GLIS3: variants seen among roughly 807,000 people sequenced by gnomAD.
GLIS3 encodes the protein GLIS family zinc finger 3, also known as zinc finger protein GLIS3.
GLIS3 carries 53 observed loss-of-function variants against 78.6 expected under a neutral mutation model. The ratio of observed to expected loss-of-function variants is 0.67; its 90% confidence interval spans 0.54 to 0.85. GLIS3 has a LOEUF of 0.85. GLIS3 is among the 40% of genes least tolerant of loss of function. The pLI is 0.00. For missense variants in GLIS3, 1,703 were observed against 1,231.1 expected, an observed-to-expected ratio of 1.38 and a Z score of -5.74; for synonymous variants, 684 against 509.9, an observed-to-expected ratio of 1.34 and a Z score of -4.60.
At chr9:4,295,536 A>T (rs2130430500) in intron 1 of GLIS3, among the ~76,000 whole-genome samples, 1 of 152,338 alleles carries the variant, frequency 6.6e-6, no homozygotes. Flanking sequence ...ATATTGAATT[A>T]TTCCATTTAC....
At chr9:4,243,252 A>T (rs1032868802) in intron 2 of GLIS3, among the ~76,000 whole-genome samples, 8 of 152,236 alleles carry the variant, frequency 5.3e-5, no homozygotes, top group African/African-American at 9.6e-5. Context: ...AGAGTACAGT[A>T]CAGGAAGGAG....
At chr9:3,882,111 G>T (rs1261213437) in intron 7 of GLIS3, among the ~76,000 whole-genome samples, 1 of 152,124 alleles carries the variant, frequency 6.6e-6, no homozygotes, top group Non-Finnish European at 1.5e-5. Flanking sequence ...CTATCATTTG[G>T]CAGACATGAA....
At chr9:3,883,893 A>G (rs1046545246) in intron 7 of GLIS3, among the ~76,000 whole-genome samples, 2 of 152,236 alleles carry the variant, frequency 1.3e-5, no homozygotes, top group Non-Finnish European at 2.9e-5. Context: ...TGAGATGAAT[A>G]CGTGAGCCTT....
At chr9:4,189,751 G>T (rs1178763027) in intron 2 of GLIS3, among the ~76,000 whole-genome samples, 2 of 151,456 alleles carry the variant, frequency 1.3e-5, no homozygotes, top group Admixed American at 6.6e-5. Context: ...TTATGTAATG[G>T]CCTTCTTTGT....
intron 4 of GLIS3, among the ~76,000 whole-genome samples, chr9:4,015,335 G>A (rs930483246): frequency 7.9e-5 from 12 of 152,082 alleles, no homozygotes; most frequent in African/African-American, 2.2e-4. Context: ...TCCTGGAAAC[G>A]CATACCAAAG....
At chr9:4,151,857 G>A (rs1055311731) in intron 2 of GLIS3, among the ~76,000 whole-genome samples, 1 of 152,154 alleles carries the variant, frequency 6.6e-6, no homozygotes, top group Non-Finnish European at 1.5e-5. Flanking sequence ...CCTTTGGAAG[G>A]CGACAGAATG....
At chr9:4,487,306 C>G in the GLIS3 span, among the ~76,000 whole-genome samples, 1 of 152,056 alleles carries the variant, frequency 6.6e-6, no homozygotes, top group Non-Finnish European at 1.5e-5. Flanking sequence ...CAGGTTGACT[C>G]CAAGTAAAAT....
intron 4 of GLIS3, among the ~76,000 whole-genome samples, chr9:3,970,799 G>A (rs139141069): frequency 6.6e-6 from 1 of 152,122 alleles, no homozygotes; most frequent in South Asian, 2.1e-4. Context: ...TGTGAAGCTG[G>A]CAATTGAAGA....
chr9:4,030,029 T>G (rs1163964799), intron 4 of GLIS3, among the ~76,000 whole-genome samples: 1 of 152,218 alleles, frequency 6.6e-6, no homozygotes, highest in East Asian at 1.9e-4. Context: ...CAAACTGTTC[T>G]CCACAGTGGC....
chr9:4,461,569 C>T, the GLIS3 span, among the ~76,000 whole-genome samples: 1 of 152,188 alleles, frequency 6.6e-6, no homozygotes, highest in Non-Finnish European at 1.5e-5. Flanking sequence ...CTTTGCTACT[C>T]CTCCCTCCAA....
chr9:4,177,925 C>G (rs1816951397), intron 2 of GLIS3, among the ~76,000 whole-genome samples: 1 of 152,174 alleles, frequency 6.6e-6, no homozygotes, highest in South Asian at 2.1e-4. Flanking sequence ...AGCTTGGTTC[C>G]TGGATGAGAT....
At position 4,342,355 on chromosome 9, in the gene GLIS3, G is replaced by A. The variant is rs371393688; in HGVS notation, n.264+4726C>T. Among the ~76,000 whole-genome samples the A allele has an allele frequency of 1.2e-4, 18 of 152,232 alleles. No homozygotes were observed. The East Asian group carries it at 1.5e-3, about 13-fold the overall frequency. ...CCATTTATGGCCTGGTGCTTTCATCGCTTTCCCCATTGCCTGTTCTTGTTG... is the reference window on the plus strand; with the variant it reads ...CCATTTATGGCCTGGTGCTTTCATCACTTTCCCCATTGCCTGTTCTTGTTG... On this transcript the variant is annotated intron_variant and non_coding_transcript_variant, in intron 2 of 4. Coordinates refer to the GLIS3 transcript ENST00000471664.
At chr9:4,145,719 C>T (rs1834174128) in intron 2 of GLIS3, among the ~76,000 whole-genome samples, 1 of 151,966 alleles carries the variant, frequency 6.6e-6, no homozygotes. Context: ...CCCTTCTCTT[C>T]CTGCCAGCTT....
intron 4 of GLIS3, among the ~76,000 whole-genome samples, chr9:3,944,712 C>A (rs183698264): frequency 4.5e-4 from 68 of 152,256 alleles, no homozygotes; most frequent in African/African-American, 1.4e-3. Context: ...TGTTTTATGG[C>A]TATGTAATTA....
chr9:4,028,040 G>A (rs189152036), intron 4 of GLIS3, among the ~76,000 whole-genome samples: 47 of 152,190 alleles, frequency 3.1e-4, no homozygotes, highest in African/African-American at 9.6e-4. Context: ...CCACTACAGC[G>A]GCAGCATAGT....
chr9:4,204,512 A>G (rs190878899), intron 2 of GLIS3, among the ~76,000 whole-genome samples: 23 of 152,284 alleles, frequency 1.5e-4, no homozygotes, highest in Admixed American at 1.0e-3. Flanking sequence ...CAAGCAGAGT[A>G]AGAGGAGCCC....
At chr9:4,060,249 T>G (rs1418107351) in intron 4 of GLIS3, among the ~76,000 whole-genome samples, 1 of 152,210 alleles carries the variant, frequency 6.6e-6, no homozygotes, top group East Asian at 1.9e-4. Flanking sequence ...TTTAATGGAC[T>G]AAACCTCCCA....
At chr9:4,197,024 C>G (rs573230938) in intron 2 of GLIS3, among the ~76,000 whole-genome samples, 1 of 152,114 alleles carries the variant, frequency 6.6e-6, no homozygotes, top group Admixed American at 6.5e-5. Context: ...GGACATAGAT[C>G]GTGGTGCAGT....
intron 2 of GLIS3, among the ~76,000 whole-genome samples, chr9:4,226,920 G>C (rs1821817514): frequency 6.6e-6 from 1 of 152,164 alleles, no homozygotes; most frequent in East Asian, 1.9e-4. Flanking sequence ...GTTTTAAAGG[G>C]AATCAGAATT....
Sources: allele counts gnomAD v4.1 joint callset (sites outside exome capture counted in the v4.1 genomes callset), GRCh38; gene constraint gnomAD v4.1.1; transcripts MANE v1.5; gene names NCBI Gene and HGNC (gene_info 2026-07-23, HGNC 2026-07-21).